Variants in STXBP5L observed in about 807,000 individuals in gnomAD.
STXBP5L encodes the protein syntaxin binding protein 5L.
A neutral mutation model predicts 144.5 loss-of-function variants in STXBP5L; 65 were observed. That is an observed-to-expected ratio of 0.45 (90% CI 0.37 to 0.55). The LOEUF (loss-of-function observed/expected upper bound fraction) is 0.55, where lower values mean the gene tolerates loss of function less well. Ranked by LOEUF, STXBP5L falls within the 20% of genes least tolerant of loss-of-function variation. STXBP5L has a pLI of 0.00. For synonymous variants in STXBP5L, 505 were observed against 469.6 expected (o/e 1.08, Z -0.97); for missense variants, 1,298 against 1,405.5 (o/e 0.92, Z 1.22).
chr3:121,325,998 C>CT (rs1491446535), intron 20 of STXBP5L, among the ~76,000 whole-genome samples: 1 of 139,768 alleles, frequency 7.2e-6, no homozygotes, highest in Non-Finnish European at 1.6e-5. Flanking sequence ...ATTATGTCTA[C>CT]TAAAAAAAAA....
chr3:121,043,482 G>A (rs1160118806), intron 4 of STXBP5L, among the ~76,000 whole-genome samples: 2 of 152,066 alleles, frequency 1.3e-5, no homozygotes, highest in Admixed American at 1.3e-4. Flanking sequence ...AAGTTAAGGT[G>A]GGTGGATCAC....
chr3:121,091,430 T>C (rs1237049526), intron 5 of STXBP5L, among the ~76,000 whole-genome samples: 1 of 151,866 alleles, frequency 6.6e-6, no homozygotes, highest in Non-Finnish European at 1.5e-5. Flanking sequence ...CCACATCCTC[T>C]CCAGCACCTG....
intron 9 of STXBP5L, among the ~76,000 whole-genome samples, chr3:121,189,089 G>A (rs548153274): frequency 6.6e-6 from 1 of 152,080 alleles, no homozygotes; most frequent in Non-Finnish European, 1.5e-5. Flanking sequence ...ATCTCCTTAA[G>A]CTGATAAGCT....
chr3:121,254,170 G>C (rs2050132766), intron 15 of STXBP5L, among the ~76,000 whole-genome samples: 1 of 151,998 alleles, frequency 6.6e-6, no homozygotes, highest in African/African-American at 2.4e-5. Flanking sequence ...ACTTTTCACA[G>C]GATTCATATT....
At chr3:121,305,651 A>G (rs1012105676) in intron 19 of STXBP5L, among the ~76,000 whole-genome samples, 4 of 152,180 alleles carry the variant, frequency 2.6e-5, no homozygotes, top group Admixed American at 6.5e-5. Flanking sequence ...TATTTCCTCA[A>G]TAGAATAAAC....
intron 22 of STXBP5L, among the ~76,000 whole-genome samples, chr3:121,401,894 T>A (rs1250940962): frequency 7.9e-4 from 108 of 137,528 alleles, no homozygotes; most frequent in Middle Eastern, 3.6e-3. Flanking sequence ...TAGAGTATAA[T>A]AAAAAAAAAA....
chr3:120,959,528 AG>A (rs1938486372), intron 3 of STXBP5L, among the ~76,000 whole-genome samples: 1 of 152,228 alleles, frequency 6.6e-6, no homozygotes. Context: ...TAAGCAAAAC[AG>A]CATGGTACTG....
chr3:121,134,132 G>C (rs1054578845), intron 7 of STXBP5L, among the ~76,000 whole-genome samples: 7 of 152,176 alleles, frequency 4.6e-5, no homozygotes, highest in Non-Finnish European at 8.8e-5. Context: ...AGGCTGGGGA[G>C]TCTGAGGTCT....
At chr3:121,228,876 CAGAAAAGAAAAGA>C (rs771048811) in intron 11 of STXBP5L, among the ~76,000 whole-genome samples, 70 of 152,192 alleles carry the variant, frequency 4.6e-4, no homozygotes, top group Non-Finnish European at 8.1e-4. Context: ...GACTCCGTCT[CAGAAAAGAAAAGA>C]AGAAAAGAAA....
chr3:121,013,778 T>C (rs1219314787), intron 3 of STXBP5L, among the ~76,000 whole-genome samples: 1 of 152,092 alleles, frequency 6.6e-6, no homozygotes, highest in Non-Finnish European at 1.5e-5. Context: ...TTTGAGATGT[T>C]ACATTTAAGT....
intron 20 of STXBP5L, among the ~76,000 whole-genome samples, chr3:121,346,852 G>C (rs1386783789): frequency 2.6e-5 from 4 of 151,282 alleles, no homozygotes; most frequent in Non-Finnish European, 5.9e-5. Flanking sequence ...CTGGATATTA[G>C]CCCTTTGTCA....
intron 2 of STXBP5L, among the ~76,000 whole-genome samples, chr3:120,943,576 TCA>T (rs1009015819): frequency 6.6e-6 from 1 of 151,760 alleles, no homozygotes; most frequent in African/African-American, 2.4e-5. Flanking sequence ...TTTGAATATA[TCA>T]CTTGGTTTTG....
chr3:121,340,494 C>G (rs190973472), intron 20 of STXBP5L, among the ~76,000 whole-genome samples: 4 of 151,316 alleles, frequency 2.6e-5, no homozygotes, highest in African/African-American at 4.9e-5. Flanking sequence ...CTCCCACCCC[C>G]CGACAGGCCC....
At chr3:121,000,403 G>T (rs539715050) in intron 3 of STXBP5L, among the ~76,000 whole-genome samples, 1 of 152,052 alleles carries the variant, frequency 6.6e-6, no homozygotes, top group South Asian at 2.1e-4. Context: ...ATATTCTGCT[G>T]TTAGTATTTC....
At chr3:120,989,985 G>A (rs930733164) in intron 3 of STXBP5L, among the ~76,000 whole-genome samples, 1 of 152,054 alleles carries the variant, frequency 6.6e-6, no homozygotes, top group Non-Finnish European at 1.5e-5. Flanking sequence ...AGGAAATAAA[G>A]GGTATTCAAT....
intron 3 of STXBP5L, among the ~76,000 whole-genome samples, chr3:121,040,171 C>G (rs994575278): frequency 6.6e-6 from 1 of 151,872 alleles, no homozygotes; most frequent in Non-Finnish European, 1.5e-5. Context: ...AATGCCATAC[C>G]TCTTGAATTT....
intron 9 of STXBP5L, among the ~76,000 whole-genome samples, chr3:121,203,859 C>T (rs1303432548): frequency 6.6e-6 from 1 of 152,112 alleles, no homozygotes; most frequent in Middle Eastern, 3.2e-3. Flanking sequence ...GATCTCTCCC[C>T]TGGCTGTGTC....
intron 2 of STXBP5L, among the ~76,000 whole-genome samples, chr3:120,931,958 AC>A (rs1447717496): frequency 6.6e-6 from 1 of 152,212 alleles, no homozygotes; most frequent in African/African-American, 2.4e-5. Flanking sequence ...CATTGTGTGA[AC>A]GTCACAGAGT....
At chr3:121,174,517 G>C (rs992319237) in intron 9 of STXBP5L, among the ~76,000 whole-genome samples, 1 of 152,124 alleles carries the variant, frequency 6.6e-6, no homozygotes, top group Non-Finnish European at 1.5e-5. Flanking sequence ...ACTGTAATTT[G>C]AAATCTGGGG....
Sources: allele counts gnomAD v4.1 joint callset (sites outside exome capture counted in the v4.1 genomes callset), GRCh38; gene constraint gnomAD v4.1.1; transcripts MANE v1.5; gene names NCBI Gene and HGNC (gene_info 2026-07-23, HGNC 2026-07-21).